Variants in RGS12 observed in about 807,000 individuals in gnomAD.
RGS12 encodes the protein regulator of G-protein signaling 12.
A neutral mutation model predicts 120.1 loss-of-function variants in RGS12; 66 were observed. That is an observed-to-expected ratio of 0.55 (90% CI 0.45 to 0.67). The LOEUF is 0.67. RGS12 is among the 30% of genes least tolerant of loss of function. RGS12 has a pLI of 0.00. For missense variants in RGS12, 1,859 were observed against 1,957.7 expected (o/e 0.95, Z 0.95); for synonymous variants, 827 against 804.7 (o/e 1.03, Z -0.47).
At chr4:3,290,838 C>T (rs1162570461), upstream of RGS12, among the ~76,000 whole-genome samples, 1 of 152,234 alleles carries the variant, frequency 6.6e-6, no homozygotes, top group East Asian at 1.9e-4. Context: ...TCTAGCCCCT[C>T]CAGATGGACT....
chr4:3,331,435 T>A (rs1711829100), intron 2 of RGS12, among the ~76,000 whole-genome samples: 1 of 152,154 alleles, frequency 6.6e-6, no homozygotes, highest in Admixed American at 6.5e-5. Flanking sequence ...AAAAATTATT[T>A]AAAAAATTAT....
chr4:3,364,650 C>A (rs1302598972), intron 3 of RGS12, among the ~76,000 whole-genome samples: 3 of 151,978 alleles, frequency 2.0e-5, no homozygotes, highest in African/African-American at 7.3e-5. Context: ...GGGCCTGGGG[C>A]AGCTGGGTGT....
At chr4:3,339,879 T>A (rs1392021247) in intron 2 of RGS12, among the ~76,000 whole-genome samples, 1 of 152,198 alleles carries the variant, frequency 6.6e-6, no homozygotes, top group African/African-American at 2.4e-5. Flanking sequence ...TTCATGGCCC[T>A]CCCCAGCTCT....
chr4:3,390,426 G>C lies in RGS12; in HGVS notation c.2020+3989G>C, dbSNP rs1003056956. ...TCGGGTGTTCAGCAGACATCAGCCA[G>C]AGCGTCAGGGCGAGGCTTGGGCGGG... On this transcript the variant is annotated intron_variant, in intron 4 of 17. Transcript: ENST00000336727. This position sits in a 1 kb window ranked among gnomAD's most constrained non-coding sequence, Gnocchi z 4.6. Among the ~76,000 whole-genome samples, 1 of 152,254 alleles carries C rather than the reference G, an allele frequency of 6.6e-6. No homozygotes were observed. The highest frequency in any genetic ancestry group is 2.4e-5 in the African/African-American group (1 of 41,464).
intron 1 of RGS12, among the ~76,000 whole-genome samples, chr4:3,295,759 T>TA (rs1415138877): frequency 2.6e-5 from 4 of 152,234 alleles, no homozygotes; most frequent in Non-Finnish European, 5.9e-5. Flanking sequence ...ACTCATTAGT[T>TA]ACGACTTAAC....
intron 1 of RGS12, among the ~76,000 whole-genome samples, chr4:3,310,594 A>G (rs1409256837): frequency 1.3e-5 from 2 of 152,086 alleles, no homozygotes; most frequent in Admixed American, 6.5e-5. Context: ...TCTCAGGTGA[A>G]TGATGGGAGG....
chr4:3,435,267 C>G (rs1207954783), intron 17 of RGS12, among the ~76,000 whole-genome samples: 1 of 152,112 alleles, frequency 6.6e-6, no homozygotes, highest in Admixed American at 6.5e-5. Flanking sequence ...GGTGAAAGTA[C>G]CCCCCATGGC....
chr4:3,336,097 A>G (rs1308376118), intron 2 of RGS12, among the ~76,000 whole-genome samples: 1 of 152,088 alleles, frequency 6.6e-6, no homozygotes, highest in Non-Finnish European at 1.5e-5. Flanking sequence ...GTCTCAACAA[A>G]CAAGCAGGCA....
intron 9 of RGS12, among the ~76,000 whole-genome samples, chr4:3,420,182 T>G (rs975797101): frequency 1.1e-4 from 16 of 152,188 alleles, no homozygotes; most frequent in African/African-American, 3.6e-4. Flanking sequence ...GGAGGCCGCA[T>G]CCGGCTGAGA....
chr4:3,399,355 A>G (rs1416791357), intron 4 of RGS12, among the ~76,000 whole-genome samples: 1 of 152,196 alleles, frequency 6.6e-6, no homozygotes, highest in African/African-American at 2.4e-5. Flanking sequence ...GAGGCCAGGC[A>G]CAGTGGCTTA....
chr4:3,332,966 C>T (rs758269233), intron 2 of RGS12, among the ~76,000 whole-genome samples: 40 of 152,014 alleles, frequency 2.6e-4, no homozygotes, highest in Admixed American at 1.2e-3. Flanking sequence ...GCTGGGATTA[C>T]GGGCACATGC....
chr4:3,384,682 C>CA (rs1380993118), intron 3 of RGS12, among the ~76,000 whole-genome samples: 3 of 152,232 alleles, frequency 2.0e-5, no homozygotes, highest in Non-Finnish European at 4.4e-5. Context: ...GAGATGGATG[C>CA]AGGCTGCTGT....
At position 3,433,890 on chromosome 4, in the gene RGS12, C is replaced by A. The variant is rs1724572950; in HGVS notation, c.4114+2935C>A. Among the ~76,000 whole-genome samples, 1 of 152,098 alleles carries A rather than the reference C, an allele frequency of 6.6e-6. No homozygotes were observed. The highest frequency in any genetic ancestry group is 1.5e-5 in the Non-Finnish European group (1 of 68,036). On this transcript the variant is annotated intron_variant, in intron 17 of 17. Coordinates refer to ENST00000336727, the MANE Select transcript of RGS12 (RefSeq NM_001394154.1). The surrounding 1 kb of genome is among the most constrained non-coding windows in gnomAD (Gnocchi z 4.4). ...GTGGGTGGGTCTCCTTTCCCTTTGG[C>A]CACTTGCTGCCAGGCCACCCAGTCT...
rs1423078302 is a variant in RGS12 at position 3,417,539 on chromosome 4, A to G, written c.2759A>G (p.Asp920Gly). 2 of 1,612,396 alleles carry G rather than the reference A, an allele frequency of 1.2e-6. No individual in the cohort carries two copies. The highest frequency in any genetic ancestry group is 2.2e-5 in the East Asian group (1 of 44,878). ...AAGAGGGAGCACGGGGACCACGCAG[A>G]CGGTTTGTGGGGTGGCTCCTGGGCT... ...QKKREHGDHA[D>G]DALHANGGLC... The change falls in exon 9 of 18, where the codon GAC becomes GGC. Residue 920 changes from aspartate to glycine, a missense_variant and splice_region_variant. Transcript: ENST00000336727.
intron 17 of RGS12, chr4:3,431,855 G>A: frequency 4.1e-6 from 4 of 985,632 alleles, no homozygotes; most frequent in Non-Finnish European, 4.8e-6. Context: ...AGCAGTGAGA[G>A]GCCTGCCGTG....
intron 4 of RGS12, chr4:3,413,822 A>G (rs989310717): frequency 2.1e-6 from 1 of 484,352 alleles, no homozygotes; most frequent in Non-Finnish European, 3.7e-6. Context: ...ACATGTGAAC[A>G]TGTGTGTGTG....
Position 3,369,968 on chromosome 4 carries a change from G to C in RGS12, c.1999-16448G>C. 4 of 1,171,752 alleles carry C rather than the reference G, an allele frequency of 3.4e-6. No homozygotes were observed. In the South Asian group the frequency reaches 1.5e-4, roughly 44 times the overall value. The allele number at this position is 1,171,752 out of a possible 1,614,324, so 72.6% of individuals were successfully genotyped here. A position where few individuals can be genotyped will look rare whatever the true frequency, so the allele number is the denominator to read the frequency against. On this transcript the variant is annotated intron_variant, in intron 3 of 17. Transcript: ENST00000336727. Reference sequence around the variant, plus strand: ...ATTCTCTGCAGCTGTTTTACTGACTGAGAAATTACCCCTGTCGGCCGAAGT... The same window carrying C: ...ATTCTCTGCAGCTGTTTTACTGACTCAGAAATTACCCCTGTCGGCCGAAGT...
At chr4:3,363,172 C>T (rs1175787955) in intron 3 of RGS12, among the ~76,000 whole-genome samples, 1 of 149,448 alleles carries the variant, frequency 6.7e-6, no homozygotes, top group African/African-American at 2.5e-5. Flanking sequence ...TGTGAGTGTG[C>T]GTCAGTGAGT....
upstream of RGS12, among the ~76,000 whole-genome samples, chr4:3,290,763 G>C (rs1315760791): frequency 6.6e-6 from 1 of 152,272 alleles, no homozygotes; most frequent in African/African-American, 2.4e-5. Context: ...CAAGAGTGAA[G>C]CCTACAGGAG....
Sources: gnomAD v4.1 joint callset for allele counts (sites outside exome capture counted in the v4.1 genomes callset) on GRCh38, gnomAD v4.1.1 for gene constraint, Gnocchi (gnomAD v3.1) non-coding constraint, MANE v1.5 for transcripts, NCBI Gene and HGNC (gene_info 2026-07-23, HGNC 2026-07-21) for gene names.